MLXIP: variants seen among roughly 807,000 people sequenced by gnomAD.
The protein encoded by MLXIP is MLX-interacting protein.
MLXIP carries 30 observed loss-of-function variants against 87.2 expected under a neutral mutation model. The observed-to-expected ratio is 0.34, with a 90% CI of 0.26 to 0.47. MLXIP has a LOEUF of 0.47. Among genes scored for constraint, MLXIP ranks in the 20% least tolerant of loss-of-function variants. The pLI, the probability that MLXIP is intolerant of heterozygous loss-of-function variation, is 1.00. For synonymous variants in MLXIP, 530 were observed against 514.0 expected (o/e 1.03, Z -0.42); for missense variants, 1,002 against 1,240.1 (o/e 0.81, Z 2.88).
intron 1 of MLXIP, among the ~76,000 whole-genome samples, chr12:122,114,252 C>G (rs1055030785): frequency 5.9e-5 from 9 of 152,146 alleles, no homozygotes; most frequent in Non-Finnish European, 1.3e-4. Flanking sequence ...TCCCAAAGTG[C>G]TGGGATTACA....
intron 1 of MLXIP, among the ~76,000 whole-genome samples, chr12:122,119,505 C>A (rs891557268): frequency 6.6e-6 from 1 of 152,130 alleles, no homozygotes; most frequent in Non-Finnish European, 1.5e-5. Context: ...CATTCTCCTG[C>A]CGCAGCCTCC....
chr12:122,089,774 A>G (rs1197214273), intron 1 of MLXIP, among the ~76,000 whole-genome samples: 1 of 152,188 alleles, frequency 6.6e-6, no homozygotes, highest in African/African-American at 2.4e-5. Context: ...TTTTGGATGT[A>G]CCACATTTTG....
At chr12:122,098,930 G>C (rs1198209647) in intron 1 of MLXIP, among the ~76,000 whole-genome samples, 2 of 152,228 alleles carry the variant, frequency 1.3e-5, no homozygotes, top group Non-Finnish European at 2.9e-5. Flanking sequence ...CAGCGTCTTA[G>C]GACAGTGAGT....
intron 1 of MLXIP, among the ~76,000 whole-genome samples, chr12:122,095,425 AG>A (rs1952337236): frequency 6.6e-6 from 1 of 152,014 alleles, no homozygotes; most frequent in South Asian, 2.1e-4. Context: ...GTTGGCAAGT[AG>A]CTTTATGGTT....
chr12:122,138,730 A>G (rs1197852122), intron 14 of MLXIP, 85 bp from the exon 15 acceptor site: 7 of 1,547,726 alleles, frequency 4.5e-6, no homozygotes. Context: ...GTGGCCCGGC[A>G]CTGGGCCAGC....
intron 15 of MLXIP, 126 bp downstream of exon 15, chr12:122,139,064 C>T: frequency 1.4e-6 from 2 of 1,406,016 alleles, no homozygotes; most frequent in Non-Finnish European, 1.9e-6. Flanking sequence ...TCACGACAGG[C>T]AGTGCTAGTG....
At chr12:122,139,714 C>T (rs1433633726) in intron 15 of MLXIP, among the ~76,000 whole-genome samples, 1 of 152,198 alleles carries the variant, frequency 6.6e-6, no homozygotes, top group Non-Finnish European at 1.5e-5. Context: ...ACTCTGTCAC[C>T]CAGGCTGGAG....
At position 122,097,854 on chromosome 12, in the gene MLXIP, C is replaced by CG. The variant is rs371937246; in HGVS notation, c.413+18588_413+18589insG. Among the ~76,000 whole-genome samples, 9 of 151,892 alleles carry CG rather than the reference C, an allele frequency of 5.9e-5. No homozygotes were observed. The South Asian group carries it at 6.2e-4, about 11-fold the overall frequency. On this transcript the variant is annotated intron_variant, in intron 1 of 16. Transcript: ENST00000319080. The stretch of plus-strand genomic sequence containing the variant: ...TTTTGGAATCCATGGGTTCCCCCTC[C>CG]CCACAAGAAACCTTGGCAGAAGGCT...
intron 1 of MLXIP, among the ~76,000 whole-genome samples, chr12:122,113,977 AC>A (rs1346374911): frequency 9.4e-6 from 1 of 106,716 alleles, no homozygotes; most frequent in Non-Finnish European, 1.9e-5. Context: ...GAGCCACTGC[AC>A]CCGGCCTTTT....
At chr12:122,128,038 C>T (rs551337745) in intron 3 of MLXIP, 70 bp downstream of exon 3, 17 of 1,346,656 alleles carry the variant, frequency 1.3e-5, no homozygotes, top group South Asian at 8.2e-5. Flanking sequence ...TGGCTCACCG[C>T]GGGCTGGTCC....
At chr12:122,100,978 G>A (rs1400598726) in intron 1 of MLXIP, among the ~76,000 whole-genome samples, 3 of 152,206 alleles carry the variant, frequency 2.0e-5, no homozygotes, top group Admixed American at 6.5e-5. Flanking sequence ...ACTTGTATGT[G>A]TAATAGAAAT....
At chr12:122,098,284 C>T (rs1033148936) in intron 1 of MLXIP, among the ~76,000 whole-genome samples, 3 of 152,144 alleles carry the variant, frequency 2.0e-5, no homozygotes, top group Non-Finnish European at 4.4e-5. Context: ...GAGAGATTTT[C>T]CTTCTGTTCC....
At chr12:122,090,014 G>A (rs982450040) in intron 1 of MLXIP, among the ~76,000 whole-genome samples, 1 of 152,188 alleles carries the variant, frequency 6.6e-6, no homozygotes, top group Non-Finnish European at 1.5e-5. Flanking sequence ...GTGCCCATGA[G>A]GGTGGAGGAT....
intron 1 of MLXIP, among the ~76,000 whole-genome samples, chr12:122,091,276 G>C (rs966481542): frequency 4.6e-5 from 7 of 152,212 alleles, no homozygotes; most frequent in African/African-American, 1.7e-4. Flanking sequence ...ACTGTGTACA[G>C]TAAGTGGAGG....
chr12:122,135,389 G>A lies in MLXIP; in HGVS notation c.1854+44G>A, dbSNP rs772055763. ...AGACCTGCAGTGTCCTTCTCACCCC[G>A]GAGCACTCTGATCTTGGGCGGCCCT... On this transcript the variant is annotated intron_variant, in intron 10 of 16. Coordinates refer to ENST00000319080, the MANE Select transcript of MLXIP (RefSeq NM_014938.6). This position sits in a 1 kb window ranked among gnomAD's most constrained non-coding sequence, Gnocchi z 5.3. The A allele has an allele frequency of 5.0e-6, 8 of 1,601,278 alleles. No homozygotes were observed. Among genetic ancestry groups the A allele is most frequent in the South Asian group, 1.1e-5 (1 of 89,174 alleles).
chr12:122,123,322 G>A (rs565157906), intron 1 of MLXIP, among the ~76,000 whole-genome samples: 6 of 152,288 alleles, frequency 3.9e-5, no homozygotes, highest in South Asian at 2.1e-4. Flanking sequence ...CCGGCCCGCC[G>A]TGGCTGGTTT....
At chr12:122,103,840 GT>G (rs377424471) in intron 1 of MLXIP, among the ~76,000 whole-genome samples, 74,624 of 142,816 alleles carry the variant, frequency 0.52, 19,170 homozygotes, top group Middle Eastern at 0.64. Context: ...AATTTTGTTT[GT>G]TTTTTTTTTT....
chr12:122,094,239 TGTG>T (rs1952306023), intron 1 of MLXIP, among the ~76,000 whole-genome samples: 1 of 96,676 alleles, frequency 1.0e-5, no homozygotes, highest in African/African-American at 3.5e-5. Context: ...TGGTGTCTGG[TGTG>T]GTATTGGTGT....
intron 1 of MLXIP, among the ~76,000 whole-genome samples, chr12:122,097,229 G>A (rs571427563): frequency 6.6e-6 from 1 of 152,188 alleles, no homozygotes; most frequent in East Asian, 1.9e-4. Flanking sequence ...GCAATGGTGT[G>A]ATCACAGCTC....
Sources: allele counts gnomAD v4.1 joint callset (sites outside exome capture counted in the v4.1 genomes callset), GRCh38; gene constraint gnomAD v4.1.1; non-coding constraint Gnocchi (gnomAD v3.1); transcripts MANE v1.5; gene names NCBI Gene and HGNC (gene_info 2026-07-23, HGNC 2026-07-21).